Variants in MOCS1 observed in about 807,000 individuals in gnomAD.
MOCS1 encodes molybdenum cofactor biosynthesis protein 1.
In MOCS1, 39 loss-of-function variants were observed where a neutral mutation model predicts 57.6. That is an observed-to-expected ratio of 0.68 (90% CI 0.52 to 0.88). The LOEUF (loss-of-function observed/expected upper bound fraction) is 0.88, where lower values mean the gene tolerates loss of function less well. Among genes scored for constraint, MOCS1 ranks in the 40% least tolerant of loss-of-function variants. The pLI is 0.00. For missense variants in MOCS1, 795 were observed against 831.1 expected (o/e 0.96, Z 0.53); for synonymous variants, 334 against 335.7 (o/e 1.00, Z 0.05).
chr6:39,934,329 G>A lies in MOCS1; in HGVS notation c.89C>T (p.Pro30Leu). 1 of 1,551,258 alleles carries A rather than the reference G, an allele frequency of 6.4e-7. No individual in the cohort carries two copies. The highest frequency in any genetic ancestry group is 1.2e-5 in the South Asian group (1 of 84,732). Residue 30 changes from proline (P) to leucine (L), a missense_variant, in exon 1 of 11, where the codon CCC (proline) becomes CTC (leucine). Pro to Leu is a moderately conservative substitution (Grantham distance 98). Around this residue, in one of 3 missense-constraint regions of MOCS1, gnomAD observed 416 missense variants for 392.4 expected, o/e 1.06. Coordinates refer to ENST00000340692, the MANE Select transcript of MOCS1 (RefSeq NM_001358530.2). ...AGCTCGCGCGGACTCCCCGGGGCAGGGCTGGGTCACCGGAGCCCCTGAGCT... is the reference window on the plus strand; with the variant it reads ...AGCTCGCGCGGACTCCCCGGGGCAGAGCTGGGTCACCGGAGCCCCTGAGCT... ...SCSSGAPVTQPCPGESARAAS... is the reference protein window; with the variant it reads ...SCSSGAPVTQLCPGESARAAS...
intron 3 of MOCS1, 44 bp from the exon 4 acceptor site, chr6:39,916,276 T>C (rs1767658463): frequency 6.2e-7 from 1 of 1,610,062 alleles, no homozygotes; most frequent in South Asian, 1.1e-5. Context: ...TGCTTGTTCT[T>C]GGTGAGGCCG....
chr6:39,930,747 G>T (rs1407891118), intron 1 of MOCS1, among the ~76,000 whole-genome samples: 1 of 152,182 alleles, frequency 6.6e-6, no homozygotes, highest in Non-Finnish European at 1.5e-5. Context: ...GACACCAAGT[G>T]CCAGGTGCTA....
Position 39,911,151 on chromosome 6 carries a change from C to T in MOCS1, c.981+1113G>A, listed in dbSNP as rs187238098. 1.1e-4 allele frequency among the ~76,000 whole-genome samples: 17 copies of T among 152,198 alleles called. No homozygotes were observed. The East Asian group carries it at 3.1e-3, about 28-fold the overall frequency. ...TCTTCATTACATTCTCTTCAGAATC[C>T]CACCTTCCATTTCCTGCCAAGACCT... On this transcript the variant is annotated intron_variant, in intron 8 of 10. Transcript: ENST00000340692.
At chr6:39,921,858 T>C (rs1054502402) in intron 3 of MOCS1, among the ~76,000 whole-genome samples, 1 of 152,196 alleles carries the variant, frequency 6.6e-6, no homozygotes, top group Non-Finnish European at 1.5e-5. Context: ...GGGTTTGTTG[T>C]ACAGATTACT....
At chr6:39,924,581 T>C (rs1181591559) in intron 3 of MOCS1, among the ~76,000 whole-genome samples, 1 of 152,168 alleles carries the variant, frequency 6.6e-6, no homozygotes, top group Non-Finnish European at 1.5e-5. Flanking sequence ...TAGTAAATAT[T>C]TTCTACTTGG....
rs757141125 is a variant in MOCS1, at chr6:39,913,000, G to A, written c.762C>T (p.Asn254=). Residue 254 remains asparagine (N), a synonymous_variant, in exon 7 of 11, where the codon AAC becomes AAT. Coordinates refer to ENST00000340692, the MANE Select transcript of MOCS1 (RefSeq NM_001358530.2). ...RFIEYMPFDG[N]KWNFKKMVSY... Reference sequence around the variant, plus strand: ...TGACCATCTTCTTGAAGTTCCACTTGTTGCCTGTATTCGGGATGGGGGAAG... The same window carrying A: ...TGACCATCTTCTTGAAGTTCCACTTATTGCCTGTATTCGGGATGGGGGAAG... The A allele has an allele frequency of 6.2e-7, 1 of 1,613,980 alleles. No homozygotes were observed. The highest frequency in any genetic ancestry group is 1.1e-5 in the South Asian group (1 of 91,086).
In MOCS1 at chr6:39,906,761, C is replaced by T. The variant is rs775200963; in HGVS notation, c.1507G>A (p.Glu503Lys). Reference protein sequence around the residue: ...MVDVGRKPDTERVAVASAVVL... With the variant: ...MVDVGRKPDTKRVAVASAVVL... The stretch of plus-strand genomic sequence containing the variant: ...ACGGCTGAAGCCACAGCCACCCGCT[C>T]TGTGTCTGGCTTCCTGCCCACATCT... The change falls in exon 11 of 11, where the codon GAG (glutamate) becomes AAG (lysine). Residue 503 changes from glutamate to lysine, a missense_variant. Glu to Lys is a moderately conservative substitution (Grantham distance 56). This residue lies in a region of MOCS1 where 374 missense variants were observed against 422.6 expected (regional missense o/e 0.89). Transcript: ENST00000340692. 25 of 1,614,218 alleles carry T rather than the reference C, an allele frequency of 1.5e-5. No homozygotes were observed. Among genetic ancestry groups the T allele is most frequent in the Middle Eastern group, 1.6e-4 (1 of 6,062 alleles).
At chr6:39,908,594 A>G (rs766233205) in intron 10 of MOCS1, among the ~76,000 whole-genome samples, 5 of 152,198 alleles carry the variant, frequency 3.3e-5, no homozygotes, top group Non-Finnish European at 7.3e-5. Context: ...CTGCCTCAAG[A>G]TCTGCCCAGC....
chr6:39,910,600 T>C (rs1767262923), intron 8 of MOCS1, among the ~76,000 whole-genome samples: 1 of 152,224 alleles, frequency 6.6e-6, no homozygotes, highest in Non-Finnish European at 1.5e-5. Flanking sequence ...AAGCATCTAC[T>C]CTGTGCCAGC....
chr6:39,908,507 TGA>T (rs1273444467), intron 10 of MOCS1, among the ~76,000 whole-genome samples: 2 of 152,294 alleles, frequency 1.3e-5, no homozygotes, highest in South Asian at 2.1e-4. Context: ...CAGATGTTCC[TGA>T]GAGTTAAGGA....
intron 8 of MOCS1, among the ~76,000 whole-genome samples, chr6:39,910,645 A>G (rs1767266150): frequency 6.6e-6 from 1 of 152,186 alleles, no homozygotes; most frequent in African/African-American, 2.4e-5. Context: ...GAGAAAGAAG[A>G]ATGTCTGAGA....
intron 8 of MOCS1, among the ~76,000 whole-genome samples, chr6:39,911,193 A>C (rs1184954939): frequency 6.6e-6 from 1 of 151,966 alleles, no homozygotes; most frequent in Non-Finnish European, 1.5e-5. Flanking sequence ...TACAGATACC[A>C]CCTCTAGTCC....
chr6:39,928,363 G>A (rs1302647859), intron 1 of MOCS1, among the ~76,000 whole-genome samples: 2 of 151,928 alleles, frequency 1.3e-5, no homozygotes, highest in African/African-American at 4.8e-5. Context: ...ACGGGGTTTC[G>A]CTGTGTTAGC....
chr6:39,914,414 C>T (rs908985406), intron 4 of MOCS1, among the ~76,000 whole-genome samples: 5 of 152,230 alleles, frequency 3.3e-5, no homozygotes, highest in Non-Finnish European at 7.3e-5. Flanking sequence ...CCTCAACAGT[C>T]CATCAATTAT....
rs1045854458 is a variant in MOCS1, at chr6:39,927,415, G to A, written c.164C>T (p.Ala55Val). 4.3e-6 allele frequency: 7 copies of A among 1,612,610 alleles called. No homozygotes were observed. The African/African-American group carries it at 9.3e-5, about 22-fold the overall frequency. Reference sequence around the variant, plus strand: ...GTCTGTGAGGAAGGCGGAGAAGGGGGCCGCATGCTCCCGCAGGAACTGCCT... The same window carrying A: ...GTCTGTGAGGAAGGCGGAGAAGGGGACCGCATGCTCCCGCAGGAACTGCCT... ...RRRQFLREHA[A>V]PFSAFLTDSF... Residue 55 changes from alanine to valine, a missense_variant, in exon 2 of 11, where the codon GCC (alanine) becomes GTC (valine). Ala to Val is a moderately conservative substitution (Grantham distance 64). Transcript: ENST00000340692.
Position 39,906,807 on chromosome 6 carries a change from C to T in MOCS1, c.1461G>A (p.Ser487=), listed in dbSNP as rs780410199. 73 of 1,614,052 alleles carry T rather than the reference C, an allele frequency of 4.5e-5. No homozygotes were observed. Among genetic ancestry groups the T allele is most frequent in the Non-Finnish European group, 5.6e-5 (66 of 1,180,050 alleles). ...CATCTACCATAGCTGCCCGTCCTTC[C>T]GAGTCCACATGAGTTAGTTGTTCTG... ...LTSEQLTHVD[S]EGRAAMVDVG... The change falls in exon 11 of 11, where the codon TCG becomes TCA. Residue 487 remains serine (S), a synonymous_variant. Transcript: ENST00000340692.
At chr6:39,913,737 G>A (rs1249334599) in intron 5 of MOCS1, 37 bp downstream of exon 5, 3 of 1,610,168 alleles carry the variant, frequency 1.9e-6, no homozygotes, top group African/African-American at 1.3e-5. Flanking sequence ...GCAGTGTGGA[G>A]GGAAGTCGGG....
chr6:39,924,002 C>T (rs537423178), intron 3 of MOCS1, among the ~76,000 whole-genome samples: 3 of 152,292 alleles, frequency 2.0e-5, no homozygotes, highest in East Asian at 1.9e-4. Flanking sequence ...AGCAGCTGGA[C>T]GGGGCAGCAA....
rs1458040653 is a variant in MOCS1, at chr6:39,907,086, T to C, written c.1182A>G (p.Pro394=). The C allele has an allele frequency of 3.1e-6, 5 of 1,613,236 alleles. No individual in the cohort carries two copies. The highest frequency in any genetic ancestry group is 3.4e-6 in the Non-Finnish European group (4 of 1,179,432). ...CCCAGGAGAAAATGCTTGGATTGGC[T>C]GGTGGGGAATTGGGGAACATCAAAA... ...ELFLMFPNSP[P]ANPSIFSWDP... is the part of the protein sequence containing the mutation. The change falls in exon 11 of 11, where the codon CCA becomes CCG. Residue 394 remains proline (P), a synonymous_variant. Transcript: ENST00000340692.
Sources: allele counts gnomAD v4.1 joint callset (sites outside exome capture counted in the v4.1 genomes callset), GRCh38; gene constraint gnomAD v4.1.1; regional missense constraint gnomAD v4.1.1; transcripts MANE v1.5; gene names NCBI Gene and HGNC (gene_info 2026-07-23, HGNC 2026-07-21).